The following CDYL2 variants were observed in gnomAD, a reference collection of about 807,000 sequenced individuals.
CDYL2 encodes the protein chromodomain Y like 2.
Under a neutral mutation model 49.4 loss-of-function variants are expected in CDYL2, and 23 were observed. That is an observed-to-expected ratio of 0.47 (90% CI 0.34 to 0.66). The LOEUF (loss-of-function observed/expected upper bound fraction) is 0.66, where lower values mean the gene tolerates loss of function less well. Among genes scored for constraint, CDYL2 ranks in the 30% least tolerant of loss-of-function variants. CDYL2 has a pLI of 0.01. For missense variants in CDYL2, 678 were observed against 656.4 expected, an observed-to-expected ratio of 1.03 and a Z score of -0.36; for synonymous variants, 360 against 268.8, an observed-to-expected ratio of 1.34 and a Z score of -3.32.
At chr16:80,637,538 A>G (rs1907891907) in intron 2 of CDYL2, among the ~76,000 whole-genome samples, 1 of 152,234 alleles carries the variant, frequency 6.6e-6, no homozygotes, top group African/African-American at 2.4e-5. Context: ...AGAAAAAAAG[A>G]AAAACAATTA....
At chr16:80,675,997 C>T (rs879276294) in intron 2 of CDYL2, among the ~76,000 whole-genome samples, 6 of 152,146 alleles carry the variant, frequency 3.9e-5, no homozygotes, top group Admixed American at 2.6e-4. Context: ...CTCCATCATC[C>T]TCTTCTGGGC....
At chr16:80,643,213 T>TGGAGC (rs1281693424) in intron 2 of CDYL2, among the ~76,000 whole-genome samples, 1 of 152,186 alleles carries the variant, frequency 6.6e-6, no homozygotes, top group Non-Finnish European at 1.5e-5. Flanking sequence ...AGTCAAATTT[T>TGGAGC]AAAGCTCCAA....
At chr16:80,798,113 TAA>T (rs1907821344) in intron 1 of CDYL2, among the ~76,000 whole-genome samples, 1 of 152,204 alleles carries the variant, frequency 6.6e-6, no homozygotes, top group Non-Finnish European at 1.5e-5. Flanking sequence ...TGATCTCAGC[TAA>T]CTGCAACCTC....
At chr16:80,684,426 A>G (rs751723900) in intron 2 of CDYL2, 112 bp downstream of exon 2, 27 of 980,288 alleles carry the variant, frequency 2.8e-5, no homozygotes, top group Admixed American at 5.1e-5. Flanking sequence ...ATTGCTGGCT[A>G]GCTAAGAGAC....
chr16:80,611,194 G>C (rs921625962), intron 5 of CDYL2, among the ~76,000 whole-genome samples: 1 of 152,186 alleles, frequency 6.6e-6, no homozygotes, highest in Admixed American at 6.5e-5. Context: ...GGGAATAGAA[G>C]GTCTGAAGAG....
chr16:80,780,961 A>C (rs1316202972), intron 1 of CDYL2, among the ~76,000 whole-genome samples: 1 of 152,186 alleles, frequency 6.6e-6, no homozygotes, highest in Admixed American at 6.5e-5. Flanking sequence ...AAGAACAGCA[A>C]GCTTTGTGAT....
At position 80,612,502 on chromosome 16, in the gene CDYL2, G is replaced by C; in HGVS notation, c.1218+124C>G. Reference sequence around the variant, plus strand: ...GGCACTGAAGGTGTGAAGGACATGAGGCAGCCAAGCCAATCTGCAGGCTGA... The same window carrying C: ...GGCACTGAAGGTGTGAAGGACATGACGCAGCCAAGCCAATCTGCAGGCTGA... On this transcript the variant is annotated intron_variant, in intron 5 of 6. Transcript: ENST00000570137. The surrounding 1 kb of genome is among the most constrained non-coding windows in gnomAD (Gnocchi z 5.0). 1.1e-6 allele frequency: 1 copy of C among 935,380 alleles called. No individual in the cohort carries two copies. Among genetic ancestry groups the C allele is most frequent in the Non-Finnish European group, 1.6e-6 (1 of 622,498 alleles). 57.9% of individuals were successfully genotyped at this position (935,380 alleles called of 1,614,324 possible).
chr16:80,665,021 C>T (rs1470296072), intron 2 of CDYL2, among the ~76,000 whole-genome samples: 2 of 152,134 alleles, frequency 1.3e-5, no homozygotes, highest in Non-Finnish European at 1.5e-5. Flanking sequence ...ACTCATCATA[C>T]CCCCAGAACG....
chr16:80,679,561 T>C (rs1909891615), intron 2 of CDYL2, among the ~76,000 whole-genome samples: 1 of 152,208 alleles, frequency 6.6e-6, no homozygotes. Flanking sequence ...ACGACTGCCA[T>C]GAGGATCACA....
At chr16:80,724,279 A>G (rs182788616) in intron 1 of CDYL2, among the ~76,000 whole-genome samples, 3 of 150,120 alleles carry the variant, frequency 2.0e-5, no homozygotes, top group African/African-American at 4.9e-5. Context: ...GAGGAGGAGA[A>G]AGGAAGAGGA....
At chr16:80,629,340 T>C (rs1907447742) in intron 3 of CDYL2, among the ~76,000 whole-genome samples, 2 of 152,188 alleles carry the variant, frequency 1.3e-5, no homozygotes, top group Non-Finnish European at 2.9e-5. Flanking sequence ...GTAATGGTTA[T>C]GGTGGAAATA....
intron 1 of CDYL2, among the ~76,000 whole-genome samples, chr16:80,745,945 CCT>C (rs1905914014): frequency 6.6e-6 from 1 of 152,166 alleles, no homozygotes; most frequent in African/African-American, 2.4e-5. Context: ...ACTACACAGC[CCT>C]GTGACTGTCA....
At chr16:80,730,647 CA>C (rs1306604449) in intron 1 of CDYL2, among the ~76,000 whole-genome samples, 1 of 151,548 alleles carries the variant, frequency 6.6e-6, no homozygotes, top group East Asian at 1.9e-4. Flanking sequence ...GAGACACAAC[CA>C]AAAAAAAGAA....
chr16:80,773,038 C>G (rs1285564398), intron 1 of CDYL2, among the ~76,000 whole-genome samples: 4 of 151,784 alleles, frequency 2.6e-5, no homozygotes, highest in Non-Finnish European at 5.9e-5. Flanking sequence ...TTTTTTAAAC[C>G]TAACTGTATG....
intron 3 of CDYL2, among the ~76,000 whole-genome samples, chr16:80,631,203 A>G (rs1907546199): frequency 6.6e-6 from 1 of 152,196 alleles, no homozygotes; most frequent in African/African-American, 2.4e-5. Context: ...TCATCTATAC[A>G]ATGTGGATCA....
chr16:80,677,020 G>C (rs1331550990), intron 2 of CDYL2, among the ~76,000 whole-genome samples: 3 of 142,610 alleles, frequency 2.1e-5, no homozygotes, highest in East Asian at 4.1e-4. Context: ...GCCCAGGCTG[G>C]AGTGCAGTGG....
rs554200546 is a variant in CDYL2, at chr16:80,673,926, A to C, written c.616+10612T>G. On this transcript the variant is annotated intron_variant, in intron 2 of 6. Transcript: ENST00000570137. ...GTGAGGATGGATGCAAAGGTTATAG[A>C]GATGAGGGACCACGAGCCGAGGAGA... Among the ~76,000 whole-genome samples the C allele has an allele frequency of 8.5e-5, 13 of 152,310 alleles. 1 individual carries two copies. Among genetic ancestry groups the C allele is most frequent in the Admixed American group, 1.3e-4 (2 of 15,300 alleles).
At chr16:80,703,851 C>T (rs571476174) in intron 1 of CDYL2, among the ~76,000 whole-genome samples, 18 of 152,276 alleles carry the variant, frequency 1.2e-4, no homozygotes, top group African/African-American at 3.9e-4. Context: ...GCCTCACCTG[C>T]GGAGCCACGT....
chr16:80,661,108 T>C (rs1381423494), intron 2 of CDYL2, among the ~76,000 whole-genome samples: 2 of 152,058 alleles, frequency 1.3e-5, no homozygotes, highest in African/African-American at 2.4e-5. Context: ...AGGAACCATG[T>C]CCAAGTTCTC....
Sources: allele counts gnomAD v4.1 joint callset (sites outside exome capture counted in the v4.1 genomes callset), GRCh38; gene constraint gnomAD v4.1.1; non-coding constraint Gnocchi (gnomAD v3.1); transcripts MANE v1.5; gene names NCBI Gene and HGNC (gene_info 2026-07-23, HGNC 2026-07-21).